PITPNM2: variants seen among roughly 807,000 people sequenced by gnomAD.
The protein encoded by PITPNM2 is phosphatidylinositol transfer protein membrane associated 2, also known as membrane-associated phosphatidylinositol transfer protein 2.
Under a neutral mutation model 132.2 loss-of-function variants are expected in PITPNM2, and 35 were observed. The ratio of observed to expected loss-of-function variants is 0.26; its 90% CI spans 0.20 to 0.35. PITPNM2 has a LOEUF of 0.35. Among genes scored for constraint, PITPNM2 ranks in the 10% least tolerant of loss-of-function variants. PITPNM2 has a pLI of 1.00. For missense variants in PITPNM2, 1,332 were observed against 1,912.0 expected (o/e 0.70, Z 5.66); for synonymous variants, 738 against 799.2 (o/e 0.92, Z 1.29).
At chr12:123,140,559 A>T (rs553577671) in intron 1 of PITPNM2, among the ~76,000 whole-genome samples, 3 of 152,204 alleles carry the variant, frequency 2.0e-5, no homozygotes, top group Admixed American at 6.5e-5. Flanking sequence ...TGCTCTTTTT[A>T]AAAAAATCCC....
intron 2 of PITPNM2, among the ~76,000 whole-genome samples, chr12:123,035,460 G>A (rs937804545): frequency 1.3e-5 from 2 of 152,094 alleles, no homozygotes; most frequent in African/African-American, 2.4e-5. Context: ...GAGGTTCGGC[G>A]TTCAAGACCA....
chr12:122,994,411 A>C lies in PITPNM2; in HGVS notation c.2233+390T>G, dbSNP rs1044353794. 6.6e-6 allele frequency among the ~76,000 whole-genome samples: 1 copy of C among 152,146 alleles called. No homozygotes were observed. The highest frequency in any genetic ancestry group is 1.5e-5 in the Non-Finnish European group (1 of 68,000). ...CAGCTGTGGCCCCTCCAGGGCTGGG[A>C]GCCCACTATACCCAGGAGGCTTTGG... is the stretch of plus-strand genomic sequence containing the variant. On this transcript the variant is annotated intron_variant, in intron 15 of 25. Coordinates refer to ENST00000320201, the MANE Select transcript of PITPNM2 (RefSeq NM_020845.3). This position sits in a 1 kb window ranked among gnomAD's most constrained non-coding sequence, Gnocchi z 5.4.
Position 123,000,995 on chromosome 12 carries a change from G to A in PITPNM2, c.1153+59C>T. 1 of 1,553,620 alleles carries A rather than the reference G, an allele frequency of 6.4e-7. No individual in the cohort carries two copies. Among genetic ancestry groups the A allele is most frequent in the Admixed American group, 1.7e-5 (1 of 59,842 alleles). On this transcript the variant is annotated intron_variant, in intron 9 of 25. Transcript: ENST00000320201. The surrounding 1 kb of genome is among the most constrained non-coding windows in gnomAD (Gnocchi z 5.4). The stretch of plus-strand genomic sequence containing the variant: ...TGTGCAGAAGCTGGTCAGAAAGGAG[G>A]GGGCTGAAGCCCTGCAACCGCCCTC...
intron 2 of PITPNM2, among the ~76,000 whole-genome samples, chr12:123,038,236 A>T (rs1257045672): frequency 1.3e-5 from 2 of 152,376 alleles, no homozygotes; most frequent in Admixed American, 1.3e-4. Context: ...CATGGATAGG[A>T]AGAAGGAAAA....
At chr12:123,129,334 C>T (rs968284696) in intron 1 of PITPNM2, among the ~76,000 whole-genome samples, 2 of 151,806 alleles carry the variant, frequency 1.3e-5, no homozygotes, top group East Asian at 3.9e-4. Flanking sequence ...TTTGGGAGGC[C>T]GAGGCGGGCG....
chr12:123,136,498 TAA>T, intron 1 of PITPNM2, among the ~76,000 whole-genome samples: 1 of 152,202 alleles, frequency 6.6e-6, no homozygotes, highest in East Asian at 1.9e-4. Context: ...CTCACAAGAT[TAA>T]GAGTATGATT....
At chr12:123,040,781 T>A (rs1483715842) in intron 2 of PITPNM2, among the ~76,000 whole-genome samples, 3 of 152,128 alleles carry the variant, frequency 2.0e-5, no homozygotes, top group African/African-American at 7.2e-5. Flanking sequence ...ACGTAGAACA[T>A]GATACTTTTT....
At chr12:123,012,792 G>C in intron 4 of PITPNM2, 58 bp from the exon 5 acceptor site, 5 of 1,591,856 alleles carry the variant, frequency 3.1e-6, no homozygotes, top group Non-Finnish European at 3.4e-6. Flanking sequence ...CAGTGTCCTG[G>C]CCAGGGCCTG....
chr12:123,058,135 G>A lies in PITPNM2; in HGVS notation c.-95-23450C>T, dbSNP rs1473847972. ...ACTTCTTCTTTTTGGGCATTTTGTC[G>A]GAAGGATAAACCAAGGCCAGGTGAG... On this transcript the variant is annotated intron_variant, in intron 2 of 25. Coordinates refer to ENST00000320201, the MANE Select transcript of PITPNM2 (RefSeq NM_020845.3). The surrounding 1 kb of genome is among the most constrained non-coding windows in gnomAD (Gnocchi z 4.0). 2.0e-5 allele frequency among the ~76,000 whole-genome samples: 3 copies of A among 152,246 alleles called. No individual in the cohort carries two copies. Among genetic ancestry groups the A allele is most frequent in the South Asian group, 2.1e-4 (1 of 4,818 alleles).
At chr12:123,123,185 T>A (rs974186798) in intron 1 of PITPNM2, among the ~76,000 whole-genome samples, 2 of 152,172 alleles carry the variant, frequency 1.3e-5, no homozygotes, top group African/African-American at 4.8e-5. Context: ...ATGAGCAGAA[T>A]ACTAAGCCCA....
At chr12:123,062,766 T>C (rs1361794663) in intron 2 of PITPNM2, among the ~76,000 whole-genome samples, 1 of 152,154 alleles carries the variant, frequency 6.6e-6, no homozygotes, top group African/African-American at 2.4e-5. Context: ...TACAAAAAAG[T>C]GTCTGGTTTT....
chr12:123,094,420 G>C (rs1031980411), intron 2 of PITPNM2, among the ~76,000 whole-genome samples: 1 of 152,192 alleles, frequency 6.6e-6, no homozygotes, highest in South Asian at 2.1e-4. Flanking sequence ...GCGGAGCCCA[G>C]CCAAGGCCTG....
In PITPNM2 at chr12:123,111,852, C is replaced by G. The variant is rs1400302696; in HGVS notation, c.-199-1364G>C. Reference sequence around the variant, plus strand: ...TGAGCAAGCTGGCCTTCCAGCCTTGCCTCTACATGCCACCGTAGGCCACAG... The same window carrying G: ...TGAGCAAGCTGGCCTTCCAGCCTTGGCTCTACATGCCACCGTAGGCCACAG... On this transcript the variant is annotated intron_variant, in intron 1 of 25. Coordinates refer to ENST00000320201, the MANE Select transcript of PITPNM2 (RefSeq NM_020845.3). This position sits in a 1 kb window ranked among gnomAD's most constrained non-coding sequence, Gnocchi z 4.1. Among the ~76,000 whole-genome samples the G allele has an allele frequency of 2.6e-5, 4 of 152,252 alleles. No homozygotes were observed. The highest frequency in any genetic ancestry group is 5.9e-5 in the Non-Finnish European group (4 of 68,040).
chr12:123,027,878 G>A (rs921672233), intron 3 of PITPNM2, among the ~76,000 whole-genome samples: 3 of 152,244 alleles, frequency 2.0e-5, no homozygotes, highest in African/African-American at 7.2e-5. Flanking sequence ...CGTCCAAGGG[G>A]GGCAGGCCCC....
intron 3 of PITPNM2, among the ~76,000 whole-genome samples, chr12:123,028,518 C>T (rs1224511183): frequency 6.6e-6 from 1 of 152,224 alleles, no homozygotes; most frequent in East Asian, 1.9e-4. Context: ...TGTGCTGAAA[C>T]GTATGTGAAA....
intron 2 of PITPNM2, among the ~76,000 whole-genome samples, chr12:123,057,676 G>A (rs1289673189): frequency 1.3e-5 from 2 of 152,228 alleles, no homozygotes; most frequent in Non-Finnish European, 2.9e-5. Context: ...GGCACATAGA[G>A]GCTGTAGGCT....
rs949777715 is a variant in PITPNM2 at position 123,022,105 on chromosome 12, C to T, written c.79-8063G>A. ...GAGTGAAGAGCCAGGCCTGGAAAAC[C>T]CTTCATTTCCGGTGCTCAGAGGCTC... On this transcript the variant is annotated intron_variant, in intron 3 of 25. Coordinates refer to ENST00000320201, the MANE Select transcript of PITPNM2 (RefSeq NM_020845.3). The surrounding 1 kb of genome is among the most constrained non-coding windows in gnomAD (Gnocchi z 4.9). 2.0e-5 allele frequency among the ~76,000 whole-genome samples: 3 copies of T among 152,146 alleles called. No homozygotes were observed. The highest frequency in any genetic ancestry group is 6.5e-5 in the Admixed American group (1 of 15,284).
chr12:123,025,191 C>T (rs976590322), intron 3 of PITPNM2, among the ~76,000 whole-genome samples: 1 of 152,218 alleles, frequency 6.6e-6, no homozygotes, highest in Non-Finnish European at 1.5e-5. Flanking sequence ...CCTCGGTCAG[C>T]TTCCTGAACA....
chr12:123,005,736 A>G lies in PITPNM2; in HGVS notation c.644-188T>C, dbSNP rs2038899557. ...AAAATAAGGGGACTGGCTCACAGAT[A>G]GTCTCACAAGCTCATAGTGGTTCTA... is the stretch of plus-strand genomic sequence containing the variant. On this transcript the variant is annotated intron_variant, in intron 6 of 25. Transcript: ENST00000320201. The surrounding 1 kb of genome is among the most constrained non-coding windows in gnomAD (Gnocchi z 6.2). 3 of 606,370 alleles carry G rather than the reference A, an allele frequency of 4.9e-6. No homozygotes were observed. The highest frequency in any genetic ancestry group is 8.7e-6 in the Non-Finnish European group (3 of 345,116). The allele number at this position is 606,370 out of a possible 1,614,324, so 37.6% of individuals were successfully genotyped here.
Sources: gnomAD v4.1 joint callset for allele counts (sites outside exome capture counted in the v4.1 genomes callset) on GRCh38, gnomAD v4.1.1 for gene constraint, Gnocchi (gnomAD v3.1) non-coding constraint, MANE v1.5 for transcripts, NCBI Gene and HGNC (gene_info 2026-07-23, HGNC 2026-07-21) for gene names.